The following KIFAP3 variants were observed in gnomAD, a reference collection of about 807,000 sequenced individuals.
KIFAP3 encodes kinesin-associated protein 3.
Under a neutral mutation model 106.5 loss-of-function variants are expected in KIFAP3, and 68 were observed. The observed-to-expected ratio is 0.64, with a 90% confidence interval of 0.53 to 0.78. KIFAP3 has a LOEUF of 0.78. KIFAP3 is among the 30% of genes least tolerant of loss of function. KIFAP3 has a pLI of 0.00. For missense variants in KIFAP3, 780 were observed against 941.8 expected (o/e 0.83, Z 2.25); for synonymous variants, 320 against 311.5 (o/e 1.03, Z -0.29).
chr1:170,031,048 G>A (rs974045823), intron 8 of KIFAP3, among the ~76,000 whole-genome samples: 6 of 151,654 alleles, frequency 4.0e-5, no homozygotes, highest in African/African-American at 1.4e-4. Context: ...TGTTAAAAAA[G>A]TCAAATTAGT....
chr1:170,038,660 CAATATA>C (rs763421202), intron 4 of KIFAP3, among the ~76,000 whole-genome samples: 31 of 152,030 alleles, frequency 2.0e-4, no homozygotes, highest in Admixed American at 3.9e-4. Flanking sequence ...AATTGTCTAT[CAATATA>C]AAGTATCTTA....
intron 17 of KIFAP3, among the ~76,000 whole-genome samples, chr1:169,971,687 T>C (rs996357343): frequency 2.6e-5 from 4 of 152,032 alleles, no homozygotes; most frequent in East Asian, 1.9e-4. Flanking sequence ...AACTAAGTTA[T>C]TGATTTTTAA....
intron 17 of KIFAP3, among the ~76,000 whole-genome samples, chr1:169,970,381 G>A (rs1321883271): frequency 6.6e-6 from 1 of 151,988 alleles, no homozygotes; most frequent in Non-Finnish European, 1.5e-5. Flanking sequence ...CATCAGTTGA[G>A]GGCTTGGGCC....
chr1:170,041,069 C>T (rs578163415), intron 3 of KIFAP3, among the ~76,000 whole-genome samples: 5 of 152,172 alleles, frequency 3.3e-5, no homozygotes, highest in Admixed American at 6.6e-5. Context: ...GTGATCCGCC[C>T]GCCTCGGCCT....
rs181048195 is a variant in KIFAP3 at position 170,019,465 on chromosome 1, C to G, written c.1021-2841G>C. Among the ~76,000 whole-genome samples, 8 of 152,056 alleles carry G rather than the reference C, an allele frequency of 5.3e-5. No homozygotes were observed. In the East Asian group the frequency reaches 1.5e-3, roughly 29 times the overall value. ...AAACTTAGCAATATATATAAAAGAG[C>G]AATATATCATGACCAAGTAATGTTT... is the stretch of plus-strand genomic sequence containing the variant. On this transcript the variant is annotated intron_variant, in intron 9 of 19. Coordinates refer to ENST00000361580, the MANE Select transcript of KIFAP3 (RefSeq NM_014970.4).
At chr1:170,062,319 C>A (rs778929389) in intron 1 of KIFAP3, among the ~76,000 whole-genome samples, 30 of 150,346 alleles carry the variant, frequency 2.0e-4, no homozygotes, top group Non-Finnish European at 4.0e-4. Context: ...TGCTTAACAC[C>A]TTGATATTCA....
chr1:170,029,095 A>T (rs1480401036), intron 8 of KIFAP3, among the ~76,000 whole-genome samples: 1 of 152,182 alleles, frequency 6.6e-6, no homozygotes, highest in East Asian at 1.9e-4. Flanking sequence ...GTAGATTAAC[A>T]TAAGAAAAGG....
Position 169,947,760 on chromosome 1 carries a change from C to A in KIFAP3, c.2273+6251G>T, listed in dbSNP as rs1026125300. Among the ~76,000 whole-genome samples, 17 of 151,362 alleles carry A rather than the reference C, an allele frequency of 1.1e-4. 1 individual carries two copies. Among genetic ancestry groups the A allele is most frequent in the African/African-American group, 4.1e-4 (17 of 41,280 alleles). On this transcript the variant is annotated intron_variant, in intron 19 of 19. Coordinates refer to ENST00000361580, the MANE Select transcript of KIFAP3 (RefSeq NM_014970.4). ...AGTGATGTATCCAATTTTATGCTAT[C>A]AAAACATCATATATGAATAAAATTT...
intron 17 of KIFAP3, 32 bp downstream of exon 17, chr1:169,972,473 GAAGTCAAT>G (rs1223622012): frequency 1.0e-6 from 1 of 960,700 alleles, no homozygotes; most frequent in East Asian, 2.5e-5. Context: ...CCCCCAAGAT[GAAGTCAAT>G]TATACTTTGT....
intron 1 of KIFAP3, among the ~76,000 whole-genome samples, chr1:170,057,962 G>A (rs1670934303): frequency 1.3e-5 from 2 of 152,184 alleles, no homozygotes; most frequent in Admixed American, 1.3e-4. Context: ...AATTGACTTA[G>A]AAAAATCATT....
At chr1:169,951,998 A>C (rs1033093207) in intron 19 of KIFAP3, among the ~76,000 whole-genome samples, 1 of 151,984 alleles carries the variant, frequency 6.6e-6, no homozygotes, top group East Asian at 1.9e-4. Flanking sequence ...GTCACCTGAT[A>C]GAGTACAGTA....
intron 9 of KIFAP3, chr1:170,024,173 T>C (rs927222208): frequency 3.6e-6 from 1 of 278,676 alleles, no homozygotes; most frequent in African/African-American, 2.2e-5. Context: ...ATATATTATG[T>C]TTAATATGGC....
chr1:170,013,478 C>CAT (rs60542659), intron 10 of KIFAP3, among the ~76,000 whole-genome samples: 5,325 of 140,442 alleles, frequency 0.038, 136 homozygotes, highest in African/African-American at 0.081. Flanking sequence ...AACTGACATA[C>CAT]ATATATATAT....
At chr1:169,922,284 A>G (rs1315733077) in intron 19 of KIFAP3, among the ~76,000 whole-genome samples, 1 of 152,236 alleles carries the variant, frequency 6.6e-6, no homozygotes, top group East Asian at 1.9e-4. Context: ...AAATCATACC[A>G]TAAGCCTATG....
chr1:170,084,214 T>C (rs1672066588), intron 1 of KIFAP3, among the ~76,000 whole-genome samples: 1 of 152,190 alleles, frequency 6.6e-6, no homozygotes, highest in African/African-American at 2.4e-5. Flanking sequence ...AGCAAAACTC[T>C]TTTTCCTAGA....
At chr1:170,077,053 A>G (rs960351583), upstream of KIFAP3, among the ~76,000 whole-genome samples, 2 of 152,128 alleles carry the variant, frequency 1.3e-5, no homozygotes, top group African/African-American at 4.8e-5. Flanking sequence ...AAATGCACCA[A>G]TCAGCACTCT....
chr1:170,020,038 C>A (rs1257107066), intron 9 of KIFAP3, among the ~76,000 whole-genome samples: 1 of 152,094 alleles, frequency 6.6e-6, no homozygotes, highest in Admixed American at 6.5e-5. Flanking sequence ...TAATATCAAC[C>A]AAAACCAGGA....
rs111560709 is a variant in KIFAP3 at position 169,991,870 on chromosome 1, A to G, written c.1284+285T>C. Among the ~76,000 whole-genome samples, 526 of 152,238 alleles carry G rather than the reference A, an allele frequency of 3.5e-3. 6 individuals are homozygous for G. The highest frequency in any genetic ancestry group is 0.011 in the African/African-American group (477 of 41,570). On this transcript the variant is annotated intron_variant, in intron 11 of 19. Transcript: ENST00000361580. ...GAGTATAATTATGATATATTAATAA[A>G]GCAATATGTAAATATTACATATACC...
At chr1:170,053,207 A>G (rs933777612) in intron 2 of KIFAP3, among the ~76,000 whole-genome samples, 1 of 152,200 alleles carries the variant, frequency 6.6e-6, no homozygotes, top group African/African-American at 2.4e-5. Context: ...ACAACAGATA[A>G]GCAGAGAGCC....
Sources: allele counts gnomAD v4.1 joint callset (sites outside exome capture counted in the v4.1 genomes callset), GRCh38; gene constraint gnomAD v4.1.1; transcripts MANE v1.5; gene names NCBI Gene and HGNC (gene_info 2026-07-23, HGNC 2026-07-21).